The following ELP1 variants were observed in gnomAD, a reference collection of about 807,000 sequenced individuals.
ELP1 encodes elongator complex protein 1.
Under a neutral mutation model 183.2 loss-of-function variants are expected in ELP1, and 131 were observed. The observed-to-expected ratio is 0.72, with a 90% confidence interval of 0.62 to 0.83. The LOEUF (loss-of-function observed/expected upper bound fraction) is 0.83, where lower values mean the gene tolerates loss of function less well. Among genes scored for constraint, ELP1 ranks in the 40% least tolerant of loss-of-function variants. The pLI is 0.00. For missense variants in ELP1, 1,550 were observed against 1,594.9 expected (o/e 0.97, Z 0.48); for synonymous variants, 555 against 569.0 (o/e 0.98, Z 0.35).
chr9:108,901,739 C>T, intron 16 of ELP1, 58 bp from the exon 17 acceptor site: 2 of 1,488,102 alleles, frequency 1.3e-6, no homozygotes, highest in East Asian at 2.3e-5. Flanking sequence ...GTTAAACCTA[C>T]CTTTTCTATC....
At chr9:108,906,087 A>G (rs914750358) in intron 14 of ELP1, among the ~76,000 whole-genome samples, 2 of 152,166 alleles carry the variant, frequency 1.3e-5, no homozygotes, top group Admixed American at 6.5e-5. Flanking sequence ...TCATCTACTA[A>G]TATTTATCCT....
At chr9:108,899,590 C>T (rs182794962) in intron 20 of ELP1, among the ~76,000 whole-genome samples, 1 of 151,896 alleles carries the variant, frequency 6.6e-6, no homozygotes, top group East Asian at 1.9e-4. Flanking sequence ...AAGAGAAGCC[C>T]TCCTTTATAT....
chr9:108,874,659 A>T (rs953529832), intron 36 of ELP1, among the ~76,000 whole-genome samples: 1 of 152,228 alleles, frequency 6.6e-6, no homozygotes, highest in African/African-American at 2.4e-5. Flanking sequence ...AAATATTTTT[A>T]AAAATTACAC....
At chr9:108,889,494 T>G in intron 28 of ELP1, 101 bp from the exon 29 acceptor site, 1 of 1,084,864 alleles carries the variant, frequency 9.2e-7, no homozygotes, top group East Asian at 2.4e-5. Context: ...CTATGTACTT[T>G]CTGAATTTCT....
At chr9:108,918,272 C>T (rs898748337) in intron 8 of ELP1, among the ~76,000 whole-genome samples, 7 of 152,188 alleles carry the variant, frequency 4.6e-5, no homozygotes, top group Non-Finnish European at 1.0e-4. Context: ...CAGGCAGCCA[C>T]ATATGACAGG....
chr9:108,917,881 G>C (rs1178393835), intron 8 of ELP1, among the ~76,000 whole-genome samples: 7 of 152,212 alleles, frequency 4.6e-5, no homozygotes, highest in Admixed American at 4.6e-4. Context: ...CCAGAGGAAA[G>C]AGTGCCTTTT....
At position 108,918,797 on chromosome 9, in the gene ELP1, C is replaced by T. The variant is rs1167700119; in HGVS notation, c.740+14G>A. On this transcript the variant is annotated intron_variant, in intron 8 of 36. Coordinates refer to ENST00000374647, the MANE Select transcript of ELP1 (RefSeq NM_003640.5). ...GGTTCCAAGAATTTCTCTAAGGTTT[C>T]TTCTCCCACTCACTTCCAAGCCAGG... 1.3e-6 allele frequency: 2 copies of T among 1,599,494 alleles called. No homozygotes were observed. The highest frequency in any genetic ancestry group is 1.7e-5 in the Admixed American group (1 of 60,012).
rs202165319 is a variant in ELP1, at chr9:108,879,557, T to A, written c.3461A>T (p.Asp1154Val). The change falls in exon 33 of 37, where the codon GAT becomes GTT. Residue 1154 changes from aspartate (D) to valine (V), a missense_variant and splice_region_variant. Asp to Val is a radical substitution (Grantham distance 152, BLOSUM62 -3). Transcript: ENST00000374647. The part of the protein sequence containing the change: ...LKEQAQQAGL[D>V]DEVPHGQESD... ...CTCTTGCCCGTGGGGTACCTCATCA[T>A]CTAGAAAAGAAGAACCAGAAGCCGA... 2 of 1,609,942 alleles carry A rather than the reference T, an allele frequency of 1.2e-6. No homozygotes were observed. Among genetic ancestry groups the A allele is most frequent in the African/African-American group, 2.7e-5 (2 of 74,918 alleles).
intron 8 of ELP1, among the ~76,000 whole-genome samples, 193 bp downstream of exon 8, chr9:108,918,618 C>T (rs560843698): frequency 6.7e-6 from 1 of 150,348 alleles, no homozygotes; most frequent in East Asian, 1.9e-4. Context: ...ATCTACTATT[C>T]GAGTTGAATT....
At chr9:108,879,867 G>C (rs531754718) in intron 32 of ELP1, among the ~76,000 whole-genome samples, 185 bp downstream of exon 32, 1 of 152,262 alleles carries the variant, frequency 6.6e-6, no homozygotes, top group African/African-American at 2.4e-5. Context: ...TTCATGCTTG[G>C]TCCTGCCCTT....
chr9:108,869,482 C>T (rs1359407278), intron 36 of ELP1, among the ~76,000 whole-genome samples: 2 of 152,134 alleles, frequency 1.3e-5, no homozygotes, highest in Non-Finnish European at 2.9e-5. Flanking sequence ...AGTCACATGG[C>T]TGTATACATT....
intron 18 of ELP1, among the ~76,000 whole-genome samples, chr9:108,900,869 T>C (rs1277838689): frequency 9.0e-5 from 1 of 11,118 alleles, no homozygotes; most frequent in Non-Finnish European, 1.7e-4. Flanking sequence ...CACACACACA[T>C]ACACGCCACA....
At position 108,933,964 on chromosome 9, in the gene ELP1, C is replaced by A; in HGVS notation, c.-156G>T. ...CCACAGTCCGCACCCAGAGTCGGCT[C>A]CGAATTGCGCACGCGTCTCTGTCCG... is the stretch of plus-strand genomic sequence containing the variant. On this transcript the variant is annotated 5_prime_UTR_variant, in exon 1 of 37. Transcript: ENST00000374647. The A allele has an allele frequency of 6.3e-6, 1 of 159,964 alleles. No individual in the cohort carries two copies. The highest frequency in any genetic ancestry group is 1.4e-5 in the Non-Finnish European group (1 of 72,884). 9.9% of individuals were successfully genotyped at this position (159,964 alleles called of 1,614,324 possible).
intron 28 of ELP1, 23 bp downstream of exon 28, chr9:108,891,180 A>C: frequency 1.9e-6 from 3 of 1,609,732 alleles, no homozygotes; most frequent in East Asian, 2.2e-5. Flanking sequence ...TGTAGATGTA[A>C]ACATATAAAT....
chr9:108,930,902 T>C, intron 2 of ELP1, 95 bp downstream of exon 2: 1 of 1,173,696 alleles, frequency 8.5e-7, no homozygotes, highest in South Asian at 1.2e-5. Context: ...ATAAATTCAA[T>C]AAGATATAAA....
intron 23 of ELP1, 45 bp downstream of exon 23, chr9:108,897,103 C>T (rs1190394391): frequency 3.7e-6 from 6 of 1,614,066 alleles, no homozygotes; most frequent in South Asian, 3.3e-5. Flanking sequence ...GACAACTACA[C>T]ACTTCGGTTT....
In ELP1 at chr9:108,902,925, T is replaced by G; in HGVS notation, c.1768A>C (p.Ile590Leu). ...CCACCAGAGTTCTTCCATGGTTTAA[T>G]AGCCAGAGAAGGTGACTCTGCAAGA... ...KYLWESPSLAIKPWKNSGGFP... is the reference protein window; with the variant it reads ...KYLWESPSLALKPWKNSGGFP... Residue 590 changes from isoleucine to leucine, a missense_variant, in exon 16 of 37, where the codon ATT (isoleucine) becomes CTT (leucine). Ile to Leu is a conservative substitution (Grantham distance 5, BLOSUM62 2). Transcript: ENST00000374647. 2 of 1,613,920 alleles carry G rather than the reference T, an allele frequency of 1.2e-6. No homozygotes were observed. The highest frequency in any genetic ancestry group is 2.2e-5 in the South Asian group (2 of 91,070).
At position 108,899,893 on chromosome 9, in the gene ELP1, C is replaced by T; in HGVS notation, c.2133G>A (p.Met711Ile). Residue 711 changes from methionine (M) to isoleucine (I), a missense_variant and splice_region_variant, in exon 20 of 37, where the codon ATG becomes ATA. Met to Ile is a conservative substitution (Grantham distance 10, BLOSUM62 1). Coordinates refer to ENST00000374647, the MANE Select transcript of ELP1 (RefSeq NM_003640.5). ...VPQDTKLVLQ[M>I]PRGNLEVVHH... ...GAACAACTTCTAAGTTTCCCCTTGG[C>T]ATCTTAAATAAATTAAAGCAGTAAC... is the stretch of plus-strand genomic sequence containing the variant. 6.2e-7 allele frequency: 1 copy of T among 1,613,340 alleles called. No homozygotes were observed. Among genetic ancestry groups the T allele is most frequent in the South Asian group, 1.1e-5 (1 of 91,072 alleles).
chr9:108,904,111 G>T (rs1202970761), intron 14 of ELP1, among the ~76,000 whole-genome samples: 2 of 152,172 alleles, frequency 1.3e-5, no homozygotes, highest in Non-Finnish European at 2.9e-5. Context: ...GTAGGAAAAT[G>T]AGCACACTCA....
Sources: gnomAD v4.1 joint callset for allele counts (sites outside exome capture counted in the v4.1 genomes callset) on GRCh38, gnomAD v4.1.1 for gene constraint, MANE v1.5 for transcripts, NCBI Gene and HGNC (gene_info 2026-07-23, HGNC 2026-07-21) for gene names.